HS6ST3: variants seen among roughly 807,000 people sequenced by gnomAD.
The protein encoded by HS6ST3 is heparan-sulfate 6-O-sulfotransferase 3.
Under a neutral mutation model 36.7 loss-of-function variants are expected in HS6ST3, and 12 were observed. That is an observed-to-expected ratio of 0.33 (90% CI 0.21 to 0.53). The LOEUF is 0.53. Among genes scored for constraint, HS6ST3 ranks in the 20% least tolerant of loss-of-function variants. The pLI is 0.95. For missense variants in HS6ST3, 584 were observed against 640.9 expected (o/e 0.91, Z 0.96); for synonymous variants, 240 against 257.5 (o/e 0.93, Z 0.65).
chr13:96,312,470 A>G (rs1873740221), intron 1 of HS6ST3, among the ~76,000 whole-genome samples: 1 of 152,074 alleles, frequency 6.6e-6, no homozygotes, highest in African/African-American at 2.4e-5. Flanking sequence ...TGTTAATTTC[A>G]TTTAAATTGT....
At chr13:96,419,625 A>G (rs569802313) in intron 1 of HS6ST3, among the ~76,000 whole-genome samples, 32 of 152,300 alleles carry the variant, frequency 2.1e-4, no homozygotes, top group African/African-American at 7.7e-4. Flanking sequence ...TTTATTGTCT[A>G]TAGTTCTGGA....
intron 1 of HS6ST3, among the ~76,000 whole-genome samples, chr13:96,559,604 G>C (rs1412835681): frequency 6.6e-6 from 1 of 152,154 alleles, no homozygotes; most frequent in Non-Finnish European, 1.5e-5. Flanking sequence ...AAGGGGTGTA[G>C]CTGTCTCTTT....
chr13:96,667,572 G>A (rs991069860), intron 1 of HS6ST3, among the ~76,000 whole-genome samples: 23 of 152,130 alleles, frequency 1.5e-4, no homozygotes, highest in African/African-American at 2.9e-4. Flanking sequence ...ATAATGACTC[G>A]TAAATGTAAA....
intron 1 of HS6ST3, among the ~76,000 whole-genome samples, chr13:96,801,993 A>C (rs776807620): frequency 6.6e-6 from 1 of 152,062 alleles, no homozygotes; most frequent in Non-Finnish European, 1.5e-5. Context: ...CTAATGGCCA[A>C]TTCTCCCCAT....
At chr13:96,298,098 T>C (rs918794829) in intron 1 of HS6ST3, among the ~76,000 whole-genome samples, 3 of 148,786 alleles carry the variant, frequency 2.0e-5, no homozygotes, top group African/African-American at 7.9e-5. Flanking sequence ...AATTAATTTC[T>C]TACTTTAACT....
At chr13:96,132,915 T>C (rs1444012809) in intron 1 of HS6ST3, among the ~76,000 whole-genome samples, 1 of 152,230 alleles carries the variant, frequency 6.6e-6, no homozygotes, top group Non-Finnish European at 1.5e-5. Flanking sequence ...GCTACTTGTA[T>C]GTTTTTTGAG....
At chr13:96,647,307 A>T (rs2056592042) in intron 1 of HS6ST3, among the ~76,000 whole-genome samples, 1 of 152,072 alleles carries the variant, frequency 6.6e-6, no homozygotes, top group African/African-American at 2.4e-5. Context: ...ATAGAACTTT[A>T]AAAAAGTGAT....
At chr13:96,437,222 A>G (rs759561644) in intron 1 of HS6ST3, among the ~76,000 whole-genome samples, 1 of 152,148 alleles carries the variant, frequency 6.6e-6, no homozygotes, top group South Asian at 2.1e-4. Context: ...GATCAGGCCC[A>G]TTCTCCAGCA....
intron 1 of HS6ST3, among the ~76,000 whole-genome samples, chr13:96,290,327 A>C (rs1436834679): frequency 6.6e-6 from 1 of 152,118 alleles, no homozygotes; most frequent in Non-Finnish European, 1.5e-5. Flanking sequence ...AATGGGTTCA[A>C]TAGGCAGGTA....
intron 1 of HS6ST3, among the ~76,000 whole-genome samples, chr13:96,276,193 A>C (rs981220427): frequency 6.6e-6 from 1 of 152,040 alleles, no homozygotes; most frequent in Admixed American, 6.6e-5. Context: ...TAAATTTACT[A>C]TCCCGCTTGT....
At chr13:96,493,090 T>A (rs1015851464) in intron 1 of HS6ST3, among the ~76,000 whole-genome samples, 1 of 152,222 alleles carries the variant, frequency 6.6e-6, no homozygotes, top group South Asian at 2.1e-4. Flanking sequence ...TGTTTCTTGC[T>A]GTTTAGCTCA....
At chr13:96,720,595 TATC>T (rs1306987323) in intron 1 of HS6ST3, among the ~76,000 whole-genome samples, 1 of 152,220 alleles carries the variant, frequency 6.6e-6, no homozygotes, top group Non-Finnish European at 1.5e-5. Context: ...TAGCTATAGT[TATC>T]ATCACTGAGT....
chr13:96,757,759 A>G (rs1026895327), intron 1 of HS6ST3, among the ~76,000 whole-genome samples: 5 of 152,038 alleles, frequency 3.3e-5, no homozygotes, highest in Non-Finnish European at 7.4e-5. Context: ...TAATGAATAT[A>G]GTGAATTACA....
chr13:96,250,980 A>G (rs1220962617), intron 1 of HS6ST3, among the ~76,000 whole-genome samples: 1 of 152,090 alleles, frequency 6.6e-6, no homozygotes, highest in Non-Finnish European at 1.5e-5. Flanking sequence ...TGTACTGTTG[A>G]ACTTGGTTTT....
rs535104058 is a variant in HS6ST3, at chr13:96,636,021, A to G, written c.708-196469A>G. Among the ~76,000 whole-genome samples the G allele has an allele frequency of 7.9e-5, 12 of 152,214 alleles. No homozygotes were observed. The South Asian group carries it at 2.5e-3, about 32-fold the overall frequency. On this transcript the variant is annotated intron_variant, in intron 1 of 1. Transcript: ENST00000376705. The stretch of plus-strand genomic sequence containing the variant: ...ACCCTCTTCTGTACTTGACTTCATC[A>G]ATTAAAGAAACACAATCCCTTAAAA...
intron 1 of HS6ST3, among the ~76,000 whole-genome samples, chr13:96,095,793 A>G (rs1276325847): frequency 2.0e-5 from 3 of 151,820 alleles, no homozygotes; most frequent in African/African-American, 7.3e-5. Context: ...TCTTTCAGTC[A>G]ATCATTGTGT....
chr13:96,805,535 T>C (rs1028138582), intron 1 of HS6ST3, among the ~76,000 whole-genome samples: 6 of 152,236 alleles, frequency 3.9e-5, no homozygotes, highest in East Asian at 1.9e-4. Context: ...ATGACAGTCA[T>C]GATGAGACAA....
At chr13:96,218,349 T>C (rs78835592) in intron 1 of HS6ST3, among the ~76,000 whole-genome samples, 7,965 of 152,132 alleles carry the variant, frequency 0.052, 369 homozygotes, top group African/African-American at 0.13. Flanking sequence ...AGTGGGAAGC[T>C]GGGGGGCAAG....
chr13:96,762,229 G>A (rs1876987797), intron 1 of HS6ST3, among the ~76,000 whole-genome samples: 1 of 152,142 alleles, frequency 6.6e-6, no homozygotes, highest in Admixed American at 6.5e-5. Flanking sequence ...TGTAATCCCA[G>A]CATTTTGGGA....
Sources: gnomAD v4.1 joint callset for allele counts (sites outside exome capture counted in the v4.1 genomes callset) on GRCh38, gnomAD v4.1.1 for gene constraint, MANE v1.5 for transcripts, NCBI Gene and HGNC (gene_info 2026-07-23, HGNC 2026-07-21) for gene names.